The following USP37 variants were observed in gnomAD, a reference collection of about 807,000 sequenced individuals.
USP37 encodes the protein ubiquitin carboxyl-terminal hydrolase 37.
In USP37, 27 loss-of-function variants were observed where a neutral mutation model predicts 124.0. That is an observed-to-expected ratio of 0.22 (90% confidence interval 0.16 to 0.30). The LOEUF is 0.30. Among genes scored for constraint, USP37 ranks in the 10% least tolerant of loss-of-function variants. USP37 has a pLI of 1.00. For missense variants in USP37, 889 were observed against 1,140.4 expected (o/e 0.78, Z 3.17); for synonymous variants, 365 against 388.0 (o/e 0.94, Z 0.70).
At chr2:218,536,322 G>A (rs1274320460) in intron 8 of USP37, among the ~76,000 whole-genome samples, 2 of 152,124 alleles carry the variant, frequency 1.3e-5, no homozygotes, top group African/African-American at 4.8e-5. Flanking sequence ...ATGCCTAAGT[G>A]TGCCCCACCT....
At chr2:218,506,283 TGGC>T (rs373546634) in intron 11 of USP37, among the ~76,000 whole-genome samples, 59 of 131,194 alleles carry the variant, frequency 4.5e-4, no homozygotes, top group African/African-American at 1.7e-3. Flanking sequence ...ACTTTCTTTC[TGGC>T]TTTTTTTTTT....
At chr2:218,561,530 C>T (rs949622525) in intron 2 of USP37, among the ~76,000 whole-genome samples, 2 of 151,904 alleles carry the variant, frequency 1.3e-5, no homozygotes, top group Admixed American at 6.6e-5. Flanking sequence ...TGGTGGCGTG[C>T]GCCTGTAATT....
intron 20 of USP37, among the ~76,000 whole-genome samples, chr2:218,473,795 G>A (rs1000938197): frequency 6.6e-6 from 1 of 152,198 alleles, no homozygotes; most frequent in African/African-American, 2.4e-5. Context: ...GTACAGTCAT[G>A]TGTTGCTTAA....
intron 10 of USP37, among the ~76,000 whole-genome samples, chr2:218,522,242 G>A (rs966554071): frequency 5.3e-5 from 8 of 151,840 alleles, no homozygotes; most frequent in Non-Finnish European, 1.0e-4. Flanking sequence ...AATTATCTTG[G>A]CTATTCTTAT....
chr2:218,503,966 A>T (rs757858887), intron 11 of USP37, among the ~76,000 whole-genome samples: 5 of 152,202 alleles, frequency 3.3e-5, no homozygotes, highest in African/African-American at 4.8e-5. Flanking sequence ...GGATGATCTA[A>T]TCATAAAAAT....
intron 20 of USP37, among the ~76,000 whole-genome samples, chr2:218,467,857 A>T (rs1240244787): frequency 6.6e-6 from 1 of 151,742 alleles, no homozygotes; most frequent in Non-Finnish European, 1.5e-5. Flanking sequence ...TGGTTATCTG[A>T]ATTGTTAGAG....
At chr2:218,501,395 C>A (rs997258970) in intron 11 of USP37, among the ~76,000 whole-genome samples, 4 of 152,048 alleles carry the variant, frequency 2.6e-5, no homozygotes, top group African/African-American at 9.7e-5. Context: ...TCCTGTGTTG[C>A]CCATGGGTGA....
At chr2:218,554,217 TTGA>T (rs1559227842) in intron 4 of USP37, among the ~76,000 whole-genome samples, 2 of 152,162 alleles carry the variant, frequency 1.3e-5, no homozygotes, top group Non-Finnish European at 2.9e-5. Flanking sequence ...CATTATAATG[TTGA>T]TGAGGAAAAA....
intron 20 of USP37, among the ~76,000 whole-genome samples, chr2:218,470,114 G>A (rs1437771992): frequency 6.6e-6 from 1 of 152,074 alleles, no homozygotes; most frequent in East Asian, 1.9e-4. Flanking sequence ...GCCACTGCGT[G>A]TGGCCTTAAC....
At chr2:218,565,547 CAT>C (rs1238836739) in intron 1 of USP37, among the ~76,000 whole-genome samples, 1 of 152,166 alleles carries the variant, frequency 6.6e-6, no homozygotes, top group African/African-American at 2.4e-5. Context: ...TGTTTTTTCT[CAT>C]GTGTCCTCTA....
At chr2:218,459,635 A>T (rs962015261) in intron 23 of USP37, among the ~76,000 whole-genome samples, 155 bp downstream of exon 23, 2 of 152,194 alleles carry the variant, frequency 1.3e-5, no homozygotes, top group African/African-American at 2.4e-5. Flanking sequence ...GTGAAAAATG[A>T]ACAGCAAATG....
At chr2:218,480,536 A>AG (rs1405658352) in intron 17 of USP37, among the ~76,000 whole-genome samples, 3 of 152,244 alleles carry the variant, frequency 2.0e-5, no homozygotes, top group Non-Finnish European at 2.9e-5. Context: ...TACATATGAA[A>AG]AAAATAACTT....
At chr2:218,558,467 A>C in intron 4 of USP37, 31 bp downstream of exon 4, 1 of 1,595,094 alleles carries the variant, frequency 6.3e-7, no homozygotes, top group African/African-American at 1.3e-5. Flanking sequence ...ATCTGCTTCA[A>C]GAGCTATTCC....
intron 25 of USP37, among the ~76,000 whole-genome samples, 187 bp from the exon 26 acceptor site, chr2:218,455,204 T>C (rs568763097): frequency 2.6e-5 from 4 of 152,190 alleles, no homozygotes; most frequent in Non-Finnish European, 5.9e-5. Flanking sequence ...TTTTTAAGAA[T>C]AGAGGGGAAC....
At chr2:218,519,628 CTTGT>C (rs1690485069) in intron 10 of USP37, among the ~76,000 whole-genome samples, 3 of 151,742 alleles carry the variant, frequency 2.0e-5, no homozygotes, top group Middle Eastern at 3.2e-3. Flanking sequence ...TCAGTTTTTT[CTTGT>C]TTGTTTTTTG....
intron 10 of USP37, among the ~76,000 whole-genome samples, chr2:218,524,429 T>C (rs557454291): frequency 1.6e-4 from 25 of 152,314 alleles, no homozygotes; most frequent in East Asian, 1.9e-4. Context: ...AATATGTCTA[T>C]GTAATTGCAG....
intron 10 of USP37, 31 bp downstream of exon 10, chr2:218,529,925 G>C: frequency 6.5e-7 from 1 of 1,539,094 alleles, no homozygotes. Context: ...GAACTCCTAA[G>C]TTTTTCACAA....
At chr2:218,537,333 T>C (rs1691711142) in intron 8 of USP37, among the ~76,000 whole-genome samples, 1 of 152,210 alleles carries the variant, frequency 6.6e-6, no homozygotes, top group Non-Finnish European at 1.5e-5. Flanking sequence ...CTCACTCTCT[T>C]GGAACCCTGC....
At chr2:218,461,128 G>A (rs1689996107) in intron 22 of USP37, among the ~76,000 whole-genome samples, 1 of 152,130 alleles carries the variant, frequency 6.6e-6, no homozygotes, top group African/African-American at 2.4e-5. Context: ...AATCCCAGGA[G>A]CATTTGTACA....
Sources: gnomAD v4.1 joint callset for allele counts (sites outside exome capture counted in the v4.1 genomes callset) on GRCh38, gnomAD v4.1.1 for gene constraint, MANE v1.5 for transcripts, NCBI Gene and HGNC (gene_info 2026-07-23, HGNC 2026-07-21) for gene names.